The following FAAH2 variants were observed in gnomAD, a reference collection of about 807,000 sequenced individuals.
FAAH2 encodes fatty-acid amide hydrolase 2.
In FAAH2, 60 loss-of-function variants were observed where a neutral mutation model predicts 36.9. The ratio of observed to expected loss-of-function variants is 1.63; its 90% CI spans 1.32 to 2.02. The LOEUF is 2.02. FAAH2 is among the 30% of genes most tolerant of loss of function. The pLI, the probability that FAAH2 is intolerant of heterozygous loss-of-function variation, is 0.00. For synonymous variants in FAAH2, 214 were observed against 143.8 expected, an observed-to-expected ratio of 1.49 and a Z score of -3.49; for missense variants, 689 against 397.5, an observed-to-expected ratio of 1.73 and a Z score of -6.23.
chrX:57,349,128 C>CAT (rs1245480640), intron 5 of FAAH2, among the ~76,000 whole-genome samples: 1 of 88,848 alleles, frequency 1.1e-5, no homozygotes, highest in Non-Finnish European at 2.2e-5. Context: ...AATATATACA[C>CAT]ATATATATAT....
chrX:57,193,611 GC>G, the FAAH2 span, among the ~76,000 whole-genome samples: 12 of 111,472 alleles, frequency 1.1e-4, no homozygotes, highest in African/African-American at 3.9e-4. Flanking sequence ...TCCCCCGGAT[GC>G]CCAGCTTTAA....
At chrX:57,260,517 C>G in the FAAH2 span, among the ~76,000 whole-genome samples, 7 of 111,461 alleles carry the variant, frequency 6.3e-5, no homozygotes, top group Admixed American at 9.6e-5. Flanking sequence ...TTAAACAGAA[C>G]AAAATTAAGC....
intron 3 of FAAH2, among the ~76,000 whole-genome samples, chrX:57,313,571 T>G (rs2052755154): frequency 9.0e-6 from 1 of 110,641 alleles, no homozygotes; most frequent in African/African-American, 3.3e-5. Context: ...AGCAGAAACC[T>G]TAACAATGAG....
chrX:57,181,277 T>G, the FAAH2 span, among the ~76,000 whole-genome samples: 5 of 111,484 alleles, frequency 4.5e-5, no homozygotes, highest in East Asian at 1.4e-3. Context: ...AGCATCAAAA[T>G]AAGAGAAAAG....
At chrX:57,378,261 C>T (rs1164800192) in intron 5 of FAAH2, among the ~76,000 whole-genome samples, 1 of 111,728 alleles carries the variant, frequency 9.0e-6, no homozygotes, top group Non-Finnish European at 1.9e-5. Flanking sequence ...TGTATACAAG[C>T]TAAAGGAATT....
At chrX:57,386,258 C>T (rs2055020381) in intron 7 of FAAH2, among the ~76,000 whole-genome samples, 1 of 110,960 alleles carries the variant, frequency 9.0e-6, no homozygotes, top group Middle Eastern at 4.8e-3. Flanking sequence ...AAGAGAAATA[C>T]CACCAGGGAC....
At chrX:57,308,157 C>T (rs1369131901) in intron 2 of FAAH2, among the ~76,000 whole-genome samples, 1 of 111,260 alleles carries the variant, frequency 9.0e-6, no homozygotes, top group African/African-American at 3.3e-5. Context: ...GGGTATATAC[C>T]CAGTAATGTG....
chrX:57,208,025 G>C, the FAAH2 span, among the ~76,000 whole-genome samples: 2 of 112,519 alleles, frequency 1.8e-5, no homozygotes, highest in East Asian at 2.8e-4. Flanking sequence ...TGATCTGGGG[G>C]GTGTATTCTA....
chrX:57,203,985 C>T, the FAAH2 span, among the ~76,000 whole-genome samples: 1 of 111,399 alleles, frequency 9.0e-6, no homozygotes, highest in Admixed American at 9.5e-5. Context: ...ATAACAGGAA[C>T]TCTTGCTGTA....
chrX:57,257,890 C>T, the FAAH2 span, among the ~76,000 whole-genome samples: 3 of 111,152 alleles, frequency 2.7e-5, no homozygotes, highest in Non-Finnish European at 5.7e-5. Flanking sequence ...CCAAAGTGTC[C>T]ATATTGTTTA....
intron 8 of FAAH2, among the ~76,000 whole-genome samples, chrX:57,440,408 T>C (rs1427550337): frequency 2.7e-5 from 3 of 110,957 alleles, no homozygotes; most frequent in Non-Finnish European, 5.7e-5. Context: ...TGATTGTCTG[T>C]TTTTGGTGTA....
intron 3 of FAAH2, among the ~76,000 whole-genome samples, chrX:57,318,395 G>T (rs960797385): frequency 9.0e-6 from 1 of 111,672 alleles, no homozygotes; most frequent in Non-Finnish European, 1.9e-5. Flanking sequence ...ACACCTTTAC[G>T]CAAATAAACT....
chrX:57,306,708 G>C (rs1327278505), intron 2 of FAAH2, among the ~76,000 whole-genome samples: 1 of 70,404 alleles, frequency 1.4e-5, no homozygotes, highest in Non-Finnish European at 2.5e-5. Context: ...GTGTGTGTGT[G>C]TGTGTGTGTG....
the FAAH2 span, among the ~76,000 whole-genome samples, chrX:57,238,101 G>T: frequency 9.0e-6 from 1 of 111,559 alleles, no homozygotes; most frequent in African/African-American, 3.3e-5. Context: ...ATTGCTCAAA[G>T]ACCTAAAAAC....
At chrX:57,272,392 G>T in the FAAH2 span, among the ~76,000 whole-genome samples, 3 of 111,179 alleles carry the variant, frequency 2.7e-5, no homozygotes, top group South Asian at 1.1e-3. Flanking sequence ...TTCAAATTCA[G>T]GAAATGCAGA....
chrX:57,231,475 C>CT, the FAAH2 span, among the ~76,000 whole-genome samples: 5 of 111,352 alleles, frequency 4.5e-5, no homozygotes, highest in South Asian at 3.8e-4. Context: ...TATTTTTTAG[C>CT]TTTTTTTGTA....
chrX:57,409,278 C>A (rs1195354978), intron 7 of FAAH2, among the ~76,000 whole-genome samples: 1 of 111,313 alleles, frequency 9.0e-6, no homozygotes, highest in Non-Finnish European at 1.9e-5. Context: ...TTGTATTATC[C>A]TTTTAACATG....
intron 3 of FAAH2, among the ~76,000 whole-genome samples, chrX:57,328,739 T>C (rs778756455): frequency 2.7e-5 from 3 of 111,838 alleles, no homozygotes; most frequent in Non-Finnish European, 5.6e-5. Flanking sequence ...GTTTTTCTTT[T>C]ATTCTAGTTG....
At chrX:57,243,873 G>C in the FAAH2 span, among the ~76,000 whole-genome samples, 1 of 110,039 alleles carries the variant, frequency 9.1e-6, no homozygotes, top group South Asian at 4.0e-4. Context: ...TTCAGCAAGG[G>C]AACAAAACTG....
Sources: gnomAD v4.1 joint callset for allele counts (sites outside exome capture counted in the v4.1 genomes callset) on GRCh38, gnomAD v4.1.1 for gene constraint, MANE v1.5 for transcripts, NCBI Gene and HGNC (gene_info 2026-07-23, HGNC 2026-07-21) for gene names.